Variants in NBEAL1 observed in about 807,000 individuals in gnomAD.
NBEAL1 encodes neurobeachin like 1.
Under a neutral mutation model 351.3 loss-of-function variants are expected in NBEAL1, and 273 were observed. That is an observed-to-expected ratio of 0.78 (90% CI 0.70 to 0.86). NBEAL1 has a LOEUF of 0.86. Ranked by LOEUF, NBEAL1 falls within the 40% of genes least tolerant of loss-of-function variation. The pLI is 0.00. For missense variants in NBEAL1, 2,961 were observed against 3,201.3 expected, an observed-to-expected ratio of 0.92 and a Z score of 1.81; for synonymous variants, 1,050 against 1,086.4, an observed-to-expected ratio of 0.97 and a Z score of 0.66.
At chr2:203,140,030 G>T (rs1186893065) in intron 31 of NBEAL1, among the ~76,000 whole-genome samples, 1 of 151,930 alleles carries the variant, frequency 6.6e-6, no homozygotes, top group Non-Finnish European at 1.5e-5. Flanking sequence ...GCTGGGCGTG[G>T]TGGCTCATGC....
chr2:203,208,410 T>C (rs988383947), intron 51 of NBEAL1, among the ~76,000 whole-genome samples: 2 of 152,204 alleles, frequency 1.3e-5, no homozygotes, highest in African/African-American at 4.8e-5. Context: ...CTGTCAACAT[T>C]GCAAAAATTT....
intron 45 of NBEAL1, among the ~76,000 whole-genome samples, chr2:203,189,695 A>G (rs926652509): frequency 2.0e-5 from 3 of 151,678 alleles, no homozygotes; most frequent in Non-Finnish European, 4.4e-5. Context: ...CCCAATAGAA[A>G]CCTTCATAGA....
At chr2:203,160,105 G>A (rs1168875160) in intron 36 of NBEAL1, among the ~76,000 whole-genome samples, 3 of 132,550 alleles carry the variant, frequency 2.3e-5, no homozygotes, top group Non-Finnish European at 3.1e-5. Context: ...TTTAGACAAA[G>A]TCTTGCTCTT....
intron 31 of NBEAL1, among the ~76,000 whole-genome samples, chr2:203,141,363 ATTATTTTTTTTTTTT>A (rs1248988313): frequency 2.3e-4 from 4 of 17,482 alleles, no homozygotes; most frequent in South Asian, 2.3e-3. Context: ...TATTATTATT[ATTATTTTTTTTTTTT>A]TTTTTTTTTT....
intron 31 of NBEAL1, among the ~76,000 whole-genome samples, chr2:203,141,384 T>TTTA (rs1477699627): frequency 1.0e-5 from 1 of 95,810 alleles, no homozygotes; most frequent in South Asian, 4.4e-4. Context: ...TTTTTTTTTT[T>TTTA]TTTTTTTTTT....
chr2:203,168,780 G>C (rs1034606595), intron 38 of NBEAL1, among the ~76,000 whole-genome samples: 13 of 150,832 alleles, frequency 8.6e-5, no homozygotes, highest in Admixed American at 4.0e-4. Context: ...TGTAATGCCA[G>C]CTACTCGAGA....
At chr2:203,115,581 A>G (rs1053061774) in intron 17 of NBEAL1, among the ~76,000 whole-genome samples, 5 of 151,218 alleles carry the variant, frequency 3.3e-5, no homozygotes, top group Non-Finnish European at 5.9e-5. Context: ...GGCACATGCC[A>G]CCACCTCTGG....
chr2:203,151,156 C>T (rs986865647), intron 34 of NBEAL1, among the ~76,000 whole-genome samples: 1 of 152,106 alleles, frequency 6.6e-6, no homozygotes, highest in Non-Finnish European at 1.5e-5. Context: ...CATGGCAAAA[C>T]CCCATCTCTA....
At chr2:203,100,448 G>A (rs562442060) in intron 12 of NBEAL1, among the ~76,000 whole-genome samples, 1 of 152,124 alleles carries the variant, frequency 6.6e-6, no homozygotes, top group Non-Finnish European at 1.5e-5. Flanking sequence ...ATTCTGACTG[G>A]TGTGAGATGG....
Position 203,049,861 on chromosome 2 carries a change from T to C in NBEAL1, c.191T>C (p.Leu64Pro). 6.4e-7 allele frequency: 1 copy of C among 1,555,914 alleles called. No homozygotes were observed. The highest frequency in any genetic ancestry group is 8.7e-7 in the Non-Finnish European group (1 of 1,147,924). Residue 64 changes from leucine (L) to proline (P), a missense_variant, in exon 4 of 56, where the codon CTG (leucine) becomes CCG (proline). Leu to Pro is a moderately conservative substitution (Grantham distance 98). Transcript: ENST00000683969. ...PGISLLPDNILQVLRIQLLQC... is the reference protein window; with the variant it reads ...PGISLLPDNIPQVLRIQLLQC... Reference sequence around the variant, plus strand: ...ATATCTCTGCTTCCTGATAATATTCTGCAGGTTCTGAGGATCCAGCTTCTA... The same window carrying C: ...ATATCTCTGCTTCCTGATAATATTCCGCAGGTTCTGAGGATCCAGCTTCTA...
At chr2:203,083,082 A>G (rs879507186) in intron 8 of NBEAL1, 137 bp from the exon 9 acceptor site, 14 of 709,456 alleles carry the variant, frequency 2.0e-5, no homozygotes, top group African/African-American at 7.2e-5. Flanking sequence ...AGCAGTGGCT[A>G]TCAGAGTATC....
intron 6 of NBEAL1, among the ~76,000 whole-genome samples, chr2:203,060,476 G>T (rs2106104524): frequency 6.6e-6 from 1 of 152,076 alleles, no homozygotes; most frequent in Middle Eastern, 3.4e-3. Context: ...ATTAATCAGA[G>T]AACTTTAAAA....
At chr2:203,195,433 C>CAA (rs1162984413) in intron 47 of NBEAL1, among the ~76,000 whole-genome samples, 1 of 152,014 alleles carries the variant, frequency 6.6e-6, no homozygotes, top group Non-Finnish European at 1.5e-5. Flanking sequence ...TGGTTGTTTC[C>CAA]AAAAGTATCT....
intron 2 of NBEAL1, among the ~76,000 whole-genome samples, chr2:203,024,080 T>C (rs561095473): frequency 3.2e-4 from 48 of 151,538 alleles, no homozygotes; most frequent in African/African-American, 1.1e-3. Flanking sequence ...CCTATAATTC[T>C]AGCTCTTTGG....
chr2:203,141,366 ATT>A (rs71034219), intron 31 of NBEAL1, among the ~76,000 whole-genome samples: 10 of 9,104 alleles, frequency 1.1e-3, no homozygotes, highest in African/African-American at 1.9e-3. Context: ...TATTATTATT[ATT>A]TTTTTTTTTT....
chr2:203,115,983 A>C lies in NBEAL1; in HGVS notation c.2507-2A>C. 1 of 1,549,286 alleles carries C rather than the reference A, an allele frequency of 6.5e-7. No individual in the cohort carries two copies. Among genetic ancestry groups the C allele is most frequent in the Non-Finnish European group, 8.7e-7 (1 of 1,144,194 alleles). On this transcript the variant is annotated splice_acceptor_variant, in intron 17 of 55. Coordinates refer to ENST00000683969, the MANE Select transcript of NBEAL1 (RefSeq NM_001378026.1). LOFTEE classifies it high-confidence loss of function. ...GTGTATGTGTGTGTAAATAATTTTC[A>C]GGTCCAAATTGTTTAAGCCCTTGGA...
chr2:203,127,981 A>T (rs941729683), intron 24 of NBEAL1, 44 bp downstream of exon 24: 3 of 1,403,870 alleles, frequency 2.1e-6, no homozygotes, highest in Non-Finnish European at 2.9e-6. Context: ...TTAACATTTG[A>T]GTTGCTACAT....
intron 51 of NBEAL1, among the ~76,000 whole-genome samples, chr2:203,207,453 G>A (rs2065635918): frequency 6.6e-6 from 1 of 152,234 alleles, no homozygotes; most frequent in Admixed American, 6.5e-5. Flanking sequence ...GACAATGGCG[G>A]TTTTGTGGAA....
chr2:203,080,817 A>G (rs927931939), intron 8 of NBEAL1, among the ~76,000 whole-genome samples: 3 of 152,180 alleles, frequency 2.0e-5, no homozygotes, highest in Non-Finnish European at 2.9e-5. Flanking sequence ...CTTTTGGATC[A>G]TTATTTCCCC....
Sources: gnomAD v4.1 joint callset for allele counts (sites outside exome capture counted in the v4.1 genomes callset) on GRCh38, gnomAD v4.1.1 for gene constraint, MANE v1.5 for transcripts, NCBI Gene and HGNC (gene_info 2026-07-23, HGNC 2026-07-21) for gene names.